The following SDK1 variants were observed in gnomAD, a reference collection of about 807,000 sequenced individuals.
The protein encoded by SDK1 is sidekick cell adhesion molecule 1, also known as protein sidekick-1.
Under a neutral mutation model 245.5 loss-of-function variants are expected in SDK1, and 157 were observed. That is an observed-to-expected ratio of 0.64 (90% confidence interval 0.56 to 0.73). SDK1 has a LOEUF of 0.73. Ranked by LOEUF, SDK1 falls within the 30% of genes least tolerant of loss-of-function variation. The pLI is 0.00. For missense variants in SDK1, 3,583 were observed against 3,002.3 expected, an observed-to-expected ratio of 1.19 and a Z score of -4.52; for synonymous variants, 1,647 against 1,278.5, an observed-to-expected ratio of 1.29 and a Z score of -6.15.
At chr7:3,594,476 G>A (rs1407754776) in intron 1 of SDK1, among the ~76,000 whole-genome samples, 1 of 152,114 alleles carries the variant, frequency 6.6e-6, no homozygotes, top group Admixed American at 6.6e-5. Flanking sequence ...ACCTAAGGAT[G>A]GAATTACTGG....
chr7:3,394,781 C>G (rs542435432), intron 1 of SDK1, among the ~76,000 whole-genome samples: 251 of 152,072 alleles, frequency 1.7e-3, no homozygotes, highest in African/African-American at 5.9e-3. Flanking sequence ...GAATGTGTCT[C>G]TTAATTTTAC....
intron 4 of SDK1, among the ~76,000 whole-genome samples, chr7:3,710,164 A>T (rs1323582039): frequency 1.3e-5 from 2 of 152,238 alleles, no homozygotes; most frequent in Admixed American, 1.3e-4. Context: ...TTTCACTGAC[A>T]GATCTGGTGG....
chr7:4,102,938 T>C (rs1782653661), intron 22 of SDK1, among the ~76,000 whole-genome samples: 2 of 141,006 alleles, frequency 1.4e-5, no homozygotes, highest in South Asian at 2.4e-4. Flanking sequence ...TACTGTTTAT[T>C]AGCCTTAAAA....
chr7:4,030,272 T>G (rs986684146), intron 17 of SDK1, among the ~76,000 whole-genome samples: 2 of 152,222 alleles, frequency 1.3e-5, no homozygotes, highest in African/African-American at 4.8e-5. Flanking sequence ...GATATCTTTG[T>G]GACATTCAAA....
At chr7:4,011,520 C>T (rs1372854247) in intron 15 of SDK1, among the ~76,000 whole-genome samples, 4 of 152,216 alleles carry the variant, frequency 2.6e-5, no homozygotes, top group South Asian at 4.1e-4. Flanking sequence ...GCTGTCTCTG[C>T]AGAGGCGTCG....
At position 3,490,752 on chromosome 7, in the gene SDK1, C is replaced by T. The variant is rs1340917666; in HGVS notation, c.299-128328C>T. On this transcript the variant is annotated intron_variant, in intron 1 of 44. Transcript: ENST00000404826. ...GGAGGGGTCTGTGAGCCCCTGAGCTCCTGTCTTACAGTCTCAGGCTATTGG... is the reference window on the plus strand; with the variant it reads ...GGAGGGGTCTGTGAGCCCCTGAGCTTCTGTCTTACAGTCTCAGGCTATTGG... Among the ~76,000 whole-genome samples the T allele has an allele frequency of 3.9e-5, 6 of 152,280 alleles. No individual in the cohort carries two copies. The South Asian group carries it at 6.2e-4, about 16-fold the overall frequency.
intron 1 of SDK1, among the ~76,000 whole-genome samples, chr7:3,541,729 C>T (rs1206063988): frequency 6.6e-6 from 1 of 152,160 alleles, no homozygotes; most frequent in African/African-American, 2.4e-5. Context: ...TTTTCAGTAA[C>T]TGATGGTTGA....
intron 19 of SDK1, among the ~76,000 whole-genome samples, chr7:4,061,084 C>T (rs916830112): frequency 2.0e-5 from 3 of 152,152 alleles, no homozygotes; most frequent in African/African-American, 4.8e-5. Flanking sequence ...GTGATGCTTC[C>T]AGCTTTGTTC....
At chr7:4,211,695 C>T (rs762901390) in intron 38 of SDK1, among the ~76,000 whole-genome samples, 2 of 152,136 alleles carry the variant, frequency 1.3e-5, no homozygotes, top group African/African-American at 2.4e-5. Flanking sequence ...CTGCAAGCTC[C>T]GCCTCCCGGG....
intron 14 of SDK1, among the ~76,000 whole-genome samples, chr7:3,993,746 A>G (rs1372301328): frequency 6.6e-6 from 1 of 152,022 alleles, no homozygotes; most frequent in African/African-American, 2.4e-5. Flanking sequence ...TTCTGTCTTC[A>G]AAGCTCTCCC....
intron 42 of SDK1, among the ~76,000 whole-genome samples, chr7:4,239,385 C>A (rs1427697593): frequency 6.6e-6 from 1 of 152,214 alleles, no homozygotes; most frequent in Non-Finnish European, 1.5e-5. Flanking sequence ...ACGGTAGTTA[C>A]ATTCACAATC....
intron 1 of SDK1, among the ~76,000 whole-genome samples, chr7:3,345,234 A>G (rs1780461808): frequency 6.6e-6 from 1 of 152,194 alleles, no homozygotes; most frequent in South Asian, 2.1e-4. Context: ...GCTTATGCTG[A>G]TACCTATTTC....
intron 44 of SDK1, among the ~76,000 whole-genome samples, chr7:4,258,063 C>A (rs1218571477): frequency 2.6e-5 from 4 of 152,196 alleles, no homozygotes; most frequent in African/African-American, 9.6e-5. Flanking sequence ...CTTCTTGGCA[C>A]CCACATGTGT....
intron 1 of SDK1, among the ~76,000 whole-genome samples, chr7:3,567,621 G>A (rs1407922255): frequency 1.3e-5 from 2 of 152,142 alleles, no homozygotes; most frequent in Non-Finnish European, 2.9e-5. Context: ...TAACTTTTGG[G>A]TTATCTGATC....
At chr7:3,376,565 A>G (rs1306873289) in intron 1 of SDK1, among the ~76,000 whole-genome samples, 1 of 152,242 alleles carries the variant, frequency 6.6e-6, no homozygotes, top group Non-Finnish European at 1.5e-5. Flanking sequence ...GAGAGGTCAC[A>G]TTGTATTTAC....
chr7:3,885,652 T>C (rs1781320659), intron 5 of SDK1, among the ~76,000 whole-genome samples: 1 of 152,112 alleles, frequency 6.6e-6, no homozygotes, highest in Admixed American at 6.6e-5. Context: ...ATAAACGCTG[T>C]GGTATCAATT....
chr7:3,524,119 G>T (rs931194294), intron 1 of SDK1, among the ~76,000 whole-genome samples: 1 of 152,194 alleles, frequency 6.6e-6, no homozygotes, highest in Non-Finnish European at 1.5e-5. Flanking sequence ...GGAAGGAAGG[G>T]AGTTAACTAA....
intron 17 of SDK1, among the ~76,000 whole-genome samples, chr7:4,031,192 C>T (rs576474390): frequency 1.3e-5 from 2 of 152,094 alleles, no homozygotes; most frequent in Non-Finnish European, 2.9e-5. Context: ...TATATATACA[C>T]GTACATCTGT....
Position 4,240,510 on chromosome 7 carries a change from T to A in SDK1, c.6131-1283T>A, listed in dbSNP as rs971053858. ...TCTCCCAGGCAAGCCCATCTTTCAT[T>A]TTCTGCTCTGTGTTCTTCCGTTAAA... On this transcript the variant is annotated intron_variant, in intron 42 of 44. Transcript: ENST00000404826. Among the ~76,000 whole-genome samples, 45 of 152,266 alleles carry A rather than the reference T, an allele frequency of 3.0e-4. 1 individual carries two copies. Among genetic ancestry groups the A allele is most frequent in the African/African-American group, 1.0e-3 (43 of 41,558 alleles).
Sources: gnomAD v4.1 joint callset for allele counts (sites outside exome capture counted in the v4.1 genomes callset) on GRCh38, gnomAD v4.1.1 for gene constraint, MANE v1.5 for transcripts, NCBI Gene and HGNC (gene_info 2026-07-23, HGNC 2026-07-21) for gene names.